TIMD4: variants seen among roughly 807,000 people sequenced by gnomAD.
TIMD4 encodes T-cell immunoglobulin and mucin domain-containing protein 4.
In TIMD4, 31 loss-of-function variants were observed where a neutral mutation model predicts 41.2. The observed-to-expected ratio is 0.75, with a 90% confidence interval of 0.57 to 1.01. The LOEUF (loss-of-function observed/expected upper bound fraction) is 1.01, where lower values mean the gene tolerates loss of function less well. Among genes scored for constraint, TIMD4 ranks in the 50% least tolerant of loss-of-function variants. TIMD4 has a pLI of 0.00. For synonymous variants in TIMD4, 204 were observed against 177.1 expected, an observed-to-expected ratio of 1.15 and a Z score of -1.21; for missense variants, 479 against 472.5, an observed-to-expected ratio of 1.01 and a Z score of -0.13.
intron 5 of TIMD4, among the ~76,000 whole-genome samples, chr5:156,933,564 T>A (rs1188837855): frequency 1.3e-5 from 2 of 150,088 alleles, no homozygotes; most frequent in African/African-American, 4.9e-5. Flanking sequence ...TTTGTTTTGT[T>A]TTGTTTTGTT....
chr5:156,926,023 C>A (rs1759341183), intron 6 of TIMD4, among the ~76,000 whole-genome samples: 1 of 152,228 alleles, frequency 6.6e-6, no homozygotes, highest in East Asian at 1.9e-4. Flanking sequence ...CATGCCTCAG[C>A]CTTCTGGGTA....
intron 7 of TIMD4, 40 bp from the exon 8 acceptor site, chr5:156,920,543 G>T: frequency 1.9e-6 from 3 of 1,608,884 alleles, no homozygotes; most frequent in Non-Finnish European, 2.6e-6. Context: ...AGTGGCTGCG[G>T]TGCATAGAAC....
At chr5:156,921,794 A>C (rs1233132671) in intron 7 of TIMD4, among the ~76,000 whole-genome samples, 1 of 152,180 alleles carries the variant, frequency 6.6e-6, no homozygotes, top group Non-Finnish European at 1.5e-5. Context: ...TAATAGGGAT[A>C]AAATGAATTA....
intron 5 of TIMD4, among the ~76,000 whole-genome samples, chr5:156,944,495 C>CT (rs5872492): frequency 0.03 from 2,044 of 69,148 alleles, 333 homozygotes; most frequent in African/African-American, 0.096. Context: ...GCTGTGTGAT[C>CT]TTTTTTTTTT....
chr5:156,934,942 A>C (rs983130458), intron 5 of TIMD4, among the ~76,000 whole-genome samples: 1 of 152,258 alleles, frequency 6.6e-6, no homozygotes, highest in Non-Finnish European at 1.5e-5. Flanking sequence ...AAACAAAATT[A>C]GTTCTGAAAT....
chr5:156,949,975 G>T (rs936044058), intron 3 of TIMD4, among the ~76,000 whole-genome samples: 2 of 152,096 alleles, frequency 1.3e-5, no homozygotes, highest in Admixed American at 6.6e-5. Context: ...CCGCCACCAT[G>T]CCTGGCTAAT....
At chr5:156,939,828 C>T (rs1019456372) in intron 5 of TIMD4, among the ~76,000 whole-genome samples, 2 of 152,238 alleles carry the variant, frequency 1.3e-5, no homozygotes, top group African/African-American at 4.8e-5. Flanking sequence ...ACTCATGCTT[C>T]ACCTGAAGTA....
chr5:156,927,702 TG>T (rs1365361268), intron 5 of TIMD4, among the ~76,000 whole-genome samples: 1 of 152,100 alleles, frequency 6.6e-6, no homozygotes, highest in Non-Finnish European at 1.5e-5. Flanking sequence ...ACATTGAATG[TG>T]GGGGTAAGAA....
chr5:156,929,036 T>C (rs990973436), intron 5 of TIMD4, among the ~76,000 whole-genome samples: 1 of 152,214 alleles, frequency 6.6e-6, no homozygotes, highest in African/African-American at 2.4e-5. Context: ...ACAGCACTTT[T>C]TTCTTTCTTC....
At chr5:156,943,655 T>C (rs573228828) in intron 5 of TIMD4, among the ~76,000 whole-genome samples, 5 of 152,314 alleles carry the variant, frequency 3.3e-5, no homozygotes, top group African/African-American at 1.2e-4. Flanking sequence ...CATAGTTATG[T>C]AGCTTTTTAT....
At chr5:156,940,666 G>C (rs1759630236) in intron 5 of TIMD4, among the ~76,000 whole-genome samples, 3 of 151,678 alleles carry the variant, frequency 2.0e-5, no homozygotes, top group African/African-American at 4.8e-5. Context: ...GAGGTGAGGA[G>C]CGCCTCTGCC....
chr5:156,923,368 C>T (rs543531482), intron 6 of TIMD4, among the ~76,000 whole-genome samples: 3 of 151,974 alleles, frequency 2.0e-5, no homozygotes, highest in South Asian at 4.2e-4. Flanking sequence ...AGGCTGGTCT[C>T]GAACTCCTGA....
At chr5:156,932,928 T>G (rs1487676292) in intron 5 of TIMD4, among the ~76,000 whole-genome samples, 2 of 151,988 alleles carry the variant, frequency 1.3e-5, no homozygotes, top group Admixed American at 1.3e-4. Flanking sequence ...GGCTTGAGCC[T>G]GGGAGGTGAA....
chr5:156,943,076 T>TA (rs1380345795), intron 5 of TIMD4, among the ~76,000 whole-genome samples: 3 of 152,080 alleles, frequency 2.0e-5, no homozygotes, highest in Non-Finnish European at 2.9e-5. Context: ...ATTAGTAGTT[T>TA]AAAAAAATCA....
In TIMD4 at chr5:156,951,533, C is replaced by T; in HGVS notation, c.658G>A (p.Glu220Lys). The change falls in exon 3 of 9, where the codon GAA (glutamate) becomes AAA (lysine). Residue 220 changes from glutamate (E) to lysine (K), a missense_variant. By Grantham distance (56) the Glu-to-Lys change is moderately conservative (BLOSUM62 1). Coordinates refer to ENST00000274532, the MANE Select transcript of TIMD4 (RefSeq NM_138379.3). ...GTACCTGCAGTGAGGATGGGCCCTT[C>T]CTTAGAAGGCTCGGGAGTCAGAAGA... ...TGLLTPEPSK[E>K]GPILTAESET... The T allele has an allele frequency of 6.2e-7, 1 of 1,614,172 alleles. No individual in the cohort carries two copies. The highest frequency in any genetic ancestry group is 8.5e-7 in the Non-Finnish European group (1 of 1,180,038).
At chr5:156,952,700 T>C (rs1172920330) in intron 2 of TIMD4, among the ~76,000 whole-genome samples, 1 of 152,252 alleles carries the variant, frequency 6.6e-6, no homozygotes, top group African/African-American at 2.4e-5. Context: ...ACAGCCTTTA[T>C]TGCATTTCAT....
At chr5:156,958,885 C>CA (rs1366134301) in intron 1 of TIMD4, among the ~76,000 whole-genome samples, 32 of 152,258 alleles carry the variant, frequency 2.1e-4, no homozygotes, top group African/African-American at 7.7e-4. Flanking sequence ...AGTGAATTGA[C>CA]AGGAAGACTC....
chr5:156,946,389 C>A (rs1247094468), intron 5 of TIMD4, among the ~76,000 whole-genome samples: 1 of 152,176 alleles, frequency 6.6e-6, no homozygotes, highest in Non-Finnish European at 1.5e-5. Flanking sequence ...ATATCAGGGC[C>A]CCCTCGCATT....
intron 5 of TIMD4, among the ~76,000 whole-genome samples, chr5:156,936,309 A>G (rs564133579): frequency 4.6e-5 from 7 of 152,256 alleles, no homozygotes; most frequent in African/African-American, 1.7e-4. Flanking sequence ...GACCTAAAAC[A>G]CTCAGAATTA....
Sources: gnomAD v4.1 joint callset for allele counts (sites outside exome capture counted in the v4.1 genomes callset) on GRCh38, gnomAD v4.1.1 for gene constraint, MANE v1.5 for transcripts, NCBI Gene and HGNC (gene_info 2026-07-23, HGNC 2026-07-21) for gene names.